The following PLCH2 variants were observed in gnomAD, a reference collection of about 807,000 sequenced individuals.
The protein encoded by PLCH2 is phospholipase C eta 2.
In PLCH2, 98 loss-of-function variants were observed where a neutral mutation model predicts 134.7. The observed-to-expected ratio is 0.73, with a 90% CI of 0.62 to 0.86. The LOEUF is 0.86. PLCH2 is among the 40% of genes least tolerant of loss of function. The pLI is 0.00. For synonymous variants in PLCH2, 974 were observed against 827.5 expected (o/e 1.18, Z -3.04); for missense variants, 1,994 against 1,986.6 (o/e 1.00, Z -0.07).
At chr1:2,445,733 C>T (rs1207761493) in intron 2 of PLCH2, among the ~76,000 whole-genome samples, 2 of 152,300 alleles carry the variant, frequency 1.3e-5, no homozygotes, top group African/African-American at 2.4e-5. Context: ...TCCCGAGGCC[C>T]TCACTGCTGC....
rs1235839374 is a variant in PLCH2, at chr1:2,505,378, G to A, written c.*165G>A. ...CCTGCCCCTGCTCCCGGGGAGGAAA[G>A]GCTAAAGCTGCTGGCCCGGGGCCCA... On this transcript the variant is annotated 3_prime_UTR_variant, in exon 22 of 22. Coordinates refer to ENST00000378486, the MANE Select transcript of PLCH2 (RefSeq NM_014638.4). 1 of 603,654 alleles carries A rather than the reference G, an allele frequency of 1.7e-6. No individual in the cohort carries two copies. The highest frequency in any genetic ancestry group is 2.8e-6 in the Non-Finnish European group (1 of 351,256). The allele number at this position is 603,654 out of a possible 1,614,324, so 37.4% of individuals were successfully genotyped here.
the PLCH2 span, among the ~76,000 whole-genome samples, chr1:2,417,571 C>T: frequency 6.6e-6 from 1 of 152,184 alleles, no homozygotes; most frequent in African/African-American, 2.4e-5. Context: ...GAATGGCGTC[C>T]ACTCTGGATG....
upstream of PLCH2, among the ~76,000 whole-genome samples, chr1:2,475,870 C>T (rs1221478611): frequency 2.0e-5 from 3 of 152,112 alleles, no homozygotes; most frequent in South Asian, 2.1e-4. Flanking sequence ...CTGGGCGCTG[C>T]GGGGATGAGG....
chr1:2,500,955 C>G (rs1044279791), intron 20 of PLCH2: 1 of 150,458 alleles, frequency 6.6e-6, no homozygotes, highest in Non-Finnish European at 1.5e-5. Flanking sequence ...GCCCCCATCT[C>G]GGACCCTCAG....
intron 2 of PLCH2, among the ~76,000 whole-genome samples, chr1:2,450,253 C>T (rs558366121): frequency 2.6e-4 from 40 of 152,220 alleles, no homozygotes; most frequent in Admixed American, 1.6e-3. Flanking sequence ...TGTGATCCTT[C>T]GAGAGCTGGT....
chr1:2,436,531 T>TCCCTCCTC (rs148235886), intron 2 of PLCH2, among the ~76,000 whole-genome samples: 3 of 42,840 alleles, frequency 7.0e-5, no homozygotes, highest in Non-Finnish European at 1.1e-4. Flanking sequence ...CCTCCTTTCC[T>TCCCTCCTC]CCTTCCTCCC....
At chr1:2,487,806 C>A in intron 8 of PLCH2, 88 bp downstream of exon 8, 2 of 1,294,228 alleles carry the variant, frequency 1.5e-6, no homozygotes, top group Non-Finnish European at 2.2e-6. Context: ...ACCCACATGT[C>A]CTTTCTTTGG....
In PLCH2 at chr1:2,482,802, T is replaced by C. The variant is rs369197291; in HGVS notation, c.646-1646T>C. Among the ~76,000 whole-genome samples the C allele has an allele frequency of 4.3e-4, 65 of 152,312 alleles. No individual in the cohort carries two copies. The East Asian group carries it at 9.1e-3, about 21-fold the overall frequency. Reference sequence around the variant, plus strand: ...CCAGTGGCAGGCTGGTGGCTGCTGCTGTCCATGGTGCCGAGCCGGCCCTGG... The same window carrying C: ...CCAGTGGCAGGCTGGTGGCTGCTGCCGTCCATGGTGCCGAGCCGGCCCTGG... On this transcript the variant is annotated intron_variant, in intron 4 of 21. Transcript: ENST00000378486.
In PLCH2 at chr1:2,446,063, G is replaced by A. The variant is rs142156500; in HGVS notation, c.115+15434G>A. 1.2e-3 allele frequency among the ~76,000 whole-genome samples: 187 copies of A among 152,352 alleles called. 2 individuals are homozygous for A. In the East Asian group the frequency reaches 0.029, roughly 24 times the overall value. ...GGGAGGGGGGCTGAGGACCAGCCCA[G>A]AGGGTCCCTCCCGCTGCCTGGCCGG... On this transcript the variant is annotated intron_variant, in intron 2 of 3. Coordinates refer to the PLCH2 transcript ENST00000609981.
chr1:2,478,841 G>A (rs1326837456), intron 2 of PLCH2, among the ~76,000 whole-genome samples: 1 of 152,172 alleles, frequency 6.6e-6, no homozygotes, highest in African/African-American at 2.4e-5. Flanking sequence ...GGGACTCAGT[G>A]AGGACCGAGT....
chr1:2,438,427 G>C (rs1309495545), intron 2 of PLCH2, among the ~76,000 whole-genome samples: 3 of 152,170 alleles, frequency 2.0e-5, no homozygotes, highest in Non-Finnish European at 4.4e-5. Context: ...GTCCAGGGGA[G>C]GGTCTGTCCA....
rs1361828745 is a variant in PLCH2, at chr1:2,502,148, C to T, written c.2698C>T (p.Arg900Ter). 14 of 1,481,376 alleles carry T rather than the reference C, an allele frequency of 9.5e-6. No homozygotes were observed. The highest frequency in any genetic ancestry group is 1.8e-4 in the Middle Eastern group (1 of 5,708). 91.8% of individuals were successfully genotyped at this position (1,481,376 alleles called of 1,614,324 possible). ...QALGLKGLFL[R>*]GPKPGSLDSH... ...TCTGGGCCTAAAAGGCCTCTTCCTC[C>T]GAGGCCCAAAGCCCGGCTCGCTGGA... Residue 900 changes from arginine to a stop codon, truncating the protein, a stop_gained, in exon 21 of 22, where the codon CGA becomes TGA. Coordinates refer to ENST00000378486, the MANE Select transcript of PLCH2 (RefSeq NM_014638.4). LOFTEE classifies it high-confidence loss of function.
At chr1:2,499,986 C>A (rs781114447) in intron 20 of PLCH2, 104 of 570,736 alleles carry the variant, frequency 1.8e-4, no homozygotes, top group Middle Eastern at 4.6e-4. Flanking sequence ...CTTGCCCCGC[C>A]CTGTGTCACC....
chr1:2,505,237 G>A lies in PLCH2; in HGVS notation c.*24G>A, dbSNP rs751384102. ...GACCGTCAGTGGTGGGAACCTGGGC[G>A]GCTCTGGAGGCCCAGGGCAGGGGTG... On this transcript the variant is annotated 3_prime_UTR_variant, in exon 22 of 22. Transcript: ENST00000378486. The A allele has an allele frequency of 1.4e-5, 21 of 1,527,268 alleles. No homozygotes were observed. In the Admixed American group the frequency reaches 1.5e-4, roughly 11 times the overall value. The allele number at this position is 1,527,268 out of a possible 1,614,324, so 94.6% of individuals were successfully genotyped here.
intron 4 of PLCH2, among the ~76,000 whole-genome samples, chr1:2,482,847 C>T (rs1642048764): frequency 1.3e-5 from 2 of 152,224 alleles, no homozygotes; most frequent in African/African-American, 2.4e-5. Flanking sequence ...AGCTGAGGCA[C>T]ATCTGCAGGC....
In PLCH2 at chr1:2,486,952, T is replaced by G; in HGVS notation, c.862T>G (p.Phe288Val). 6.2e-7 allele frequency: 1 copy of G among 1,608,330 alleles called. No homozygotes were observed. Among genetic ancestry groups the G allele is most frequent in the Non-Finnish European group, 8.5e-7 (1 of 1,177,686 alleles). The change falls in exon 6 of 22, where the codon TTT (phenylalanine) becomes GTT (valine). Residue 288 changes from phenylalanine to valine, a missense_variant. Coordinates refer to ENST00000378486, the MANE Select transcript of PLCH2 (RefSeq NM_014638.4). ...GAGCTGCCAGGACATCATCGAGCAGTTTGAGCCATGCCCAGAAAACAAGAG... is the reference window on the plus strand; with the variant it reads ...GAGCTGCCAGGACATCATCGAGCAGGTTGAGCCATGCCCAGAAAACAAGAG... Reference protein sequence around the residue: ...LESCQDIIEQFEPCPENKSKG... With the variant: ...LESCQDIIEQVEPCPENKSKG...
intron 1 of PLCH2, among the ~76,000 whole-genome samples, chr1:2,429,935 T>G (rs1212527145): frequency 6.6e-6 from 1 of 152,186 alleles, no homozygotes; most frequent in Non-Finnish European, 1.5e-5. Flanking sequence ...CCTGGGAGAC[T>G]GGCTGGTTTC....
intron 4 of PLCH2, 76 bp downstream of exon 4, chr1:2,480,388 G>C (rs550393374): frequency 1.3e-6 from 2 of 1,507,460 alleles, no homozygotes; most frequent in Admixed American, 1.8e-5. Context: ...CTGGGAGCCT[G>C]CCAGCCCTGA....
Position 2,502,762 on chromosome 1 carries a change from C to T in PLCH2, c.2959+353C>T, listed in dbSNP as rs780953247. ...GCGGCTCCATGTCCTCGGACTCCAG[C>T]AGCCCAGACAGCCCGGGCATCCCCG... On this transcript the variant is annotated intron_variant, in intron 21 of 21. Transcript: ENST00000378486. 8.4e-6 allele frequency: 6 copies of T among 716,514 alleles called. No homozygotes were observed. In the African/African-American group the frequency reaches 1.0e-4, roughly 13 times the overall value. The allele number at this position is 716,514 out of a possible 1,614,324, so 44.4% of individuals were successfully genotyped here. A position where few individuals can be genotyped will look rare whatever the true frequency, so the allele number is the denominator to read the frequency against.
Sources: gnomAD v4.1 joint callset for allele counts (sites outside exome capture counted in the v4.1 genomes callset) on GRCh38, gnomAD v4.1.1 for gene constraint, MANE v1.5 for transcripts, NCBI Gene and HGNC (gene_info 2026-07-23, HGNC 2026-07-21) for gene names.